Variants in ZFHX3 observed in about 807,000 individuals in gnomAD.
ZFHX3 encodes the protein zinc finger homeobox protein 3.
In ZFHX3, 42 loss-of-function variants were observed where a neutral mutation model predicts 279.1. The observed-to-expected ratio is 0.15, with a 90% confidence interval of 0.12 to 0.19. ZFHX3 has a LOEUF of 0.19. Ranked by LOEUF, ZFHX3 falls within the 10% of genes least tolerant of loss-of-function variation. The probability of loss-of-function intolerance (pLI) is 1.00; values close to 1 mark genes in which losing one functional copy is unlikely to be tolerated. For missense variants in ZFHX3, 4,981 were observed against 4,754.0 expected (o/e 1.05, Z -1.40); for synonymous variants, 2,293 against 1,957.8 (o/e 1.17, Z -4.52).
intron 2 of ZFHX3, among the ~76,000 whole-genome samples, chr16:73,651,290 A>T (rs2052667868): frequency 6.6e-6 from 1 of 152,044 alleles, no homozygotes; most frequent in Non-Finnish European, 1.5e-5. Context: ...TGATATAGTA[A>T]GAAGGCCTAA....
intron 1 of ZFHX3, among the ~76,000 whole-genome samples, chr16:72,965,729 A>G (rs1171003722): frequency 6.6e-6 from 1 of 152,164 alleles, no homozygotes; most frequent in Non-Finnish European, 1.5e-5. Flanking sequence ...AGAAAGTCAC[A>G]ATGTCAGAGT....
Position 72,788,239 on chromosome 16 carries a change from G to T in ZFHX3, c.10037C>A (p.Pro3346His). The change falls in exon 10 of 10, where the codon CCT becomes CAT. Residue 3346 changes from proline (P) to histidine (H), a missense_variant. Physicochemically the swap from Pro to His is moderately conservative, Grantham distance 77. This residue lies in a region of ZFHX3 where 1,034 missense variants were observed against 786.0 expected (regional missense o/e 1.32). Coordinates refer to ENST00000268489, the MANE Select transcript of ZFHX3 (RefSeq NM_006885.4). ...CCCCATCAGGGCCTGCGACAGTGCA[G>T]GGCTGTAGGGGAACAGGCCTTCCAT... ...YGMEGLFPYSPALSQALMGLS... is the reference protein window; with the variant it reads ...YGMEGLFPYSHALSQALMGLS... The T allele has an allele frequency of 6.2e-7, 1 of 1,614,150 alleles. No homozygotes were observed. The highest frequency in any genetic ancestry group is 8.5e-7 in the Non-Finnish European group (1 of 1,180,014).
intron 3 of ZFHX3, among the ~76,000 whole-genome samples, chr16:72,942,169 T>C (rs1960439981): frequency 6.6e-6 from 1 of 152,148 alleles, no homozygotes; most frequent in Non-Finnish European, 1.5e-5. Context: ...GCCCTTTGAG[T>C]CCAAGTCCTC....
intron 5 of ZFHX3, among the ~76,000 whole-genome samples, chr16:72,822,169 A>G (rs2036809483): frequency 6.6e-6 from 1 of 152,218 alleles, no homozygotes; most frequent in African/African-American, 2.4e-5. Flanking sequence ...GAAACATCTA[A>G]ACAGTATTAA....
At chr16:72,973,782 G>C (rs1242523809) in intron 1 of ZFHX3, 2 of 152,202 alleles carry the variant, frequency 1.3e-5, no homozygotes, top group Non-Finnish European at 2.9e-5. Flanking sequence ...TGAGGCATGA[G>C]AATTGCTGGA....
Position 72,959,831 on chromosome 16 carries a change from CG to C in ZFHX3, c.314del (p.Pro105ArgfsTer4). 1.9e-6 allele frequency: 3 copies of C among 1,592,786 alleles called. No individual in the cohort carries two copies. Among genetic ancestry groups the C allele is most frequent in the Non-Finnish European group, 1.7e-6 (2 of 1,167,352 alleles). Reference sequence around the variant, plus strand: ...TGGCGCTCTCCTCTCTCAGGGGTGGCGGGGGGCGCGCGCTGGGGCAGTGGTG... The same window carrying C: ...TGGCGCTCTCCTCTCTCAGGGGTGGCGGGGGCGCGCGCTGGGGCAGTGGTG... ...MEHHCPSARP[P>X]PPLREESASD... On this transcript the variant is annotated frameshift_variant, in exon 2 of 10. Coordinates refer to ENST00000268489, the MANE Select transcript of ZFHX3 (RefSeq NM_006885.4). LOFTEE classifies it high-confidence loss of function.
In ZFHX3 at chr16:72,788,687, G is replaced by T. The variant is rs1567509178; in HGVS notation, c.9589C>A (p.Gln3197Lys). 7 of 1,612,420 alleles carry T rather than the reference G, an allele frequency of 4.3e-6. No individual in the cohort carries two copies. Among genetic ancestry groups the T allele is most frequent in the Middle Eastern group, 3.3e-4 (2 of 6,066 alleles). ...GGTTGCTGCTGCTGCTGCTGCTGCT[G>T]GGGGGGTTGCTGAGGGCCCATCGCC... ...TMAMGPQQPP[Q>K]QQQQQQQPQV... The change falls in exon 10 of 10, where the codon CAG becomes AAG. Residue 3197 changes from glutamine to lysine, a missense_variant. Physicochemically the swap from Gln to Lys is moderately conservative, Grantham distance 53 (BLOSUM62 1). This residue lies in a region of ZFHX3 where 1,034 missense variants were observed against 786.0 expected (regional missense o/e 1.32). Transcript: ENST00000268489.
At chr16:72,921,245 C>A (rs751130083) in intron 3 of ZFHX3, among the ~76,000 whole-genome samples, 2 of 152,144 alleles carry the variant, frequency 1.3e-5, no homozygotes, top group Non-Finnish European at 2.9e-5. Flanking sequence ...TGGAGGGTAA[C>A]CGGGTGGTGT....
intron 2 of ZFHX3, among the ~76,000 whole-genome samples, chr16:73,552,195 G>C (rs933647643): frequency 6.6e-6 from 1 of 152,116 alleles, no homozygotes; most frequent in Non-Finnish European, 1.5e-5. Context: ...TTAGTGGGAC[G>C]AGATACCAGA....
chr16:73,755,279 C>A (rs16972483), intron 1 of ZFHX3, among the ~76,000 whole-genome samples: 7 of 152,016 alleles, frequency 4.6e-5, no homozygotes, highest in Non-Finnish European at 1.0e-4. Flanking sequence ...CACCTGTTTA[C>A]GTTGGATATA....
chr16:73,530,060 G>A (rs1236733302), intron 2 of ZFHX3, among the ~76,000 whole-genome samples: 1 of 152,134 alleles, frequency 6.6e-6, no homozygotes, highest in Non-Finnish European at 1.5e-5. Flanking sequence ...CTGAGACTGG[G>A]TAAATTACAG....
intron 4 of ZFHX3, among the ~76,000 whole-genome samples, chr16:73,285,090 T>G (rs1466523541): frequency 6.6e-6 from 1 of 152,216 alleles, no homozygotes; most frequent in Non-Finnish European, 1.5e-5. Context: ...GTAAAAGAAT[T>G]CTTCTTTACA....
chr16:72,820,032 C>T (rs564351614), intron 5 of ZFHX3, among the ~76,000 whole-genome samples: 1 of 152,326 alleles, frequency 6.6e-6, no homozygotes, highest in African/African-American at 2.4e-5. Context: ...CACCTGCAGG[C>T]CTCAGCAGCT....
At chr16:73,700,778 C>G (rs1229011212) in intron 1 of ZFHX3, among the ~76,000 whole-genome samples, 1 of 152,142 alleles carries the variant, frequency 6.6e-6, no homozygotes, top group African/African-American at 2.4e-5. Context: ...AATAAGTAAA[C>G]AATTTGAATT....
chr16:72,852,595 T>C (rs908471399), intron 4 of ZFHX3, among the ~76,000 whole-genome samples: 5 of 152,202 alleles, frequency 3.3e-5, no homozygotes, highest in Non-Finnish European at 7.3e-5. Flanking sequence ...ATTGCTTAAG[T>C]TGTATATTTT....
At chr16:73,251,343 C>T (rs948443592) in intron 5 of ZFHX3, among the ~76,000 whole-genome samples, 9 of 152,120 alleles carry the variant, frequency 5.9e-5, no homozygotes, top group Non-Finnish European at 1.3e-4. Context: ...TGTGATAAAA[C>T]GATAACGATG....
intron 2 of ZFHX3, among the ~76,000 whole-genome samples, chr16:73,582,448 A>C (rs2051872002): frequency 6.6e-6 from 1 of 151,838 alleles, no homozygotes; most frequent in Non-Finnish European, 1.5e-5. Context: ...ACAGAAAAAA[A>C]AAATTAAGCC....
intron 2 of ZFHX3, among the ~76,000 whole-genome samples, chr16:73,614,902 G>A (rs1396623758): frequency 1.3e-5 from 2 of 151,978 alleles, no homozygotes; most frequent in Non-Finnish European, 2.9e-5. Context: ...TGGGACCATA[G>A]GTGCATGCTG....
intron 5 of ZFHX3, among the ~76,000 whole-genome samples, chr16:73,197,057 C>T (rs1334204125): frequency 6.6e-6 from 1 of 152,122 alleles, no homozygotes; most frequent in Non-Finnish European, 1.5e-5. Context: ...TTATTGCCCA[C>T]CATAATTGTT....
Sources: gnomAD v4.1 joint callset for allele counts (sites outside exome capture counted in the v4.1 genomes callset) on GRCh38, gnomAD v4.1.1 for gene constraint, gnomAD v4.1.1 regional missense constraint, MANE v1.5 for transcripts, NCBI Gene and HGNC (gene_info 2026-07-23, HGNC 2026-07-21) for gene names.